Variants in CDH13 observed in about 807,000 individuals in gnomAD.
The protein encoded by CDH13 is cadherin 13.
Under a neutral mutation model 63.8 loss-of-function variants are expected in CDH13, and 24 were observed. That is an observed-to-expected ratio of 0.38 (90% CI 0.27 to 0.53). CDH13 has a LOEUF of 0.53. Ranked by LOEUF, CDH13 falls within the 20% of genes least tolerant of loss-of-function variation. The pLI, the probability that CDH13 is intolerant of heterozygous loss-of-function variation, is 0.85. For missense variants in CDH13, 1,049 were observed against 903.1 expected (o/e 1.16, Z -2.07); for synonymous variants, 503 against 355.3 (o/e 1.42, Z -4.67).
At chr16:82,904,564 C>G (rs1344146275) in intron 2 of CDH13, among the ~76,000 whole-genome samples, 2 of 152,168 alleles carry the variant, frequency 1.3e-5, no homozygotes, top group Non-Finnish European at 2.9e-5. Flanking sequence ...AACCTAATAC[C>G]TCCCAGCAAA....
chr16:82,696,730 T>C (rs772542376), intron 1 of CDH13, among the ~76,000 whole-genome samples: 2 of 152,242 alleles, frequency 1.3e-5, no homozygotes, highest in Non-Finnish European at 2.9e-5. Flanking sequence ...AATTATCTAT[T>C]GTTGCATTAG....
At chr16:83,373,771 C>G (rs12597491) in intron 6 of CDH13, among the ~76,000 whole-genome samples, 1 of 152,024 alleles carries the variant, frequency 6.6e-6, no homozygotes, top group Admixed American at 6.5e-5. Flanking sequence ...AATACTTCAC[C>G]TCCTTGAGAC....
chr16:82,930,175 G>T (rs2151293956), intron 2 of CDH13, among the ~76,000 whole-genome samples: 1 of 147,300 alleles, frequency 6.8e-6, no homozygotes, highest in African/African-American at 2.5e-5. Context: ...ATGGCATTTT[G>T]CCAGTTGGCT....
intron 5 of CDH13, among the ~76,000 whole-genome samples, chr16:83,271,458 G>A (rs1424514617): frequency 7.3e-5 from 2 of 27,278 alleles, no homozygotes; most frequent in African/African-American, 1.7e-4. Flanking sequence ...AAAAATTCAT[G>A]GTTGCTGTTA....
At chr16:83,440,357 A>T (rs2072445122) in intron 6 of CDH13, among the ~76,000 whole-genome samples, 1 of 152,112 alleles carries the variant, frequency 6.6e-6, no homozygotes, top group African/African-American at 2.4e-5. Flanking sequence ...GTTAGTGCAG[A>T]GTGGAGAGCT....
At chr16:83,475,176 ACTGT>A (rs1405750164) in intron 6 of CDH13, among the ~76,000 whole-genome samples, 1 of 152,242 alleles carries the variant, frequency 6.6e-6, no homozygotes, top group Non-Finnish European at 1.5e-5. Context: ...CAGCACAGGG[ACTGT>A]CTGAGCAAGG....
At chr16:82,931,680 A>C (rs930842356) in intron 2 of CDH13, among the ~76,000 whole-genome samples, 1 of 152,202 alleles carries the variant, frequency 6.6e-6, no homozygotes, top group Non-Finnish European at 1.5e-5. Context: ...TCATGGCAGA[A>C]GGCAAAGGCA....
At chr16:83,484,273 C>G (rs781713113) in intron 6 of CDH13, among the ~76,000 whole-genome samples, 27 of 152,200 alleles carry the variant, frequency 1.8e-4, no homozygotes, top group Non-Finnish European at 3.7e-4. Flanking sequence ...TGAATTCTAT[C>G]TTTCCTTTAG....
intron 4 of CDH13, among the ~76,000 whole-genome samples, chr16:83,175,368 G>A (rs1054740056): frequency 7.2e-5 from 11 of 152,194 alleles, no homozygotes; most frequent in Admixed American, 5.2e-4. Context: ...CAACCCCCAC[G>A]ATAGCCCACT....
intron 2 of CDH13, among the ~76,000 whole-genome samples, chr16:82,978,774 A>G (rs1909866632): frequency 6.6e-6 from 1 of 152,258 alleles, no homozygotes; most frequent in South Asian, 2.1e-4. Context: ...GCAGAAGGGA[A>G]ATATGGGGTT....
chr16:83,279,996 T>G (rs1258681548), intron 5 of CDH13, among the ~76,000 whole-genome samples: 2 of 152,224 alleles, frequency 1.3e-5, no homozygotes, highest in African/African-American at 4.8e-5. Context: ...CTGAATCTTT[T>G]TGCTGGTAAA....
intron 11 of CDH13, among the ~76,000 whole-genome samples, chr16:83,769,229 G>C (rs1303192870): frequency 1.3e-5 from 2 of 152,174 alleles, no homozygotes; most frequent in African/African-American, 4.8e-5. Context: ...TGGAATTCTG[G>C]GGAGGTGTGT....
intron 6 of CDH13, among the ~76,000 whole-genome samples, chr16:83,398,928 A>G (rs2091927160): frequency 6.6e-6 from 1 of 152,224 alleles, no homozygotes; most frequent in Non-Finnish European, 1.5e-5. Context: ...AAAATGTTGG[A>G]AGCAATTTGG....
intron 11 of CDH13, among the ~76,000 whole-genome samples, chr16:83,758,435 T>A (rs1913691082): frequency 6.6e-6 from 1 of 151,994 alleles, no homozygotes; most frequent in Non-Finnish European, 1.5e-5. Context: ...TTTAGCAAAC[T>A]AGGAAACTTT....
chr16:82,848,354 G>A (rs1359227582), intron 1 of CDH13, among the ~76,000 whole-genome samples: 3 of 152,072 alleles, frequency 2.0e-5, no homozygotes, highest in Non-Finnish European at 4.4e-5. Flanking sequence ...GCTTTAGTTG[G>A]GTATGACAAG....
Position 83,032,203 on chromosome 16 carries a change from C to T in CDH13, c.351C>T (p.Ile117=), listed in dbSNP as rs1467734158. 6.2e-7 allele frequency: 1 copy of T among 1,613,222 alleles called. No homozygotes were observed. Among genetic ancestry groups the T allele is most frequent in the East Asian group, 2.2e-5 (1 of 44,818 alleles). Reference sequence around the variant, plus strand: ...TCGTGATTGTCGGGGGGAAAGACATCCAGGGCTCCTTGCAGGTAACACATC... The same window carrying T: ...TCGTGATTGTCGGGGGGAAAGACATTCAGGGCTCCTTGCAGGTAACACATC... ...AELVIVGGKD[I]QGSLQDIFKF... The change falls in exon 3 of 14, where the codon ATC becomes ATT. Residue 117 remains isoleucine, a synonymous_variant. Coordinates refer to ENST00000567109, the MANE Select transcript of CDH13 (RefSeq NM_001257.5).
intron 5 of CDH13, among the ~76,000 whole-genome samples, chr16:83,262,297 G>T (rs1486152596): frequency 6.6e-6 from 1 of 152,194 alleles, no homozygotes; most frequent in African/African-American, 2.4e-5. Flanking sequence ...CCCATGGGGG[G>T]AGGACATTAA....
chr16:83,327,252 A>G (rs571780332), intron 5 of CDH13, among the ~76,000 whole-genome samples: 200 of 152,350 alleles, frequency 1.3e-3, no homozygotes, highest in African/African-American at 4.7e-3. Context: ...GAATAATCCC[A>G]TGTAAAATAT....
intron 3 of CDH13, among the ~76,000 whole-genome samples, chr16:83,113,471 A>G (rs1203659012): frequency 6.6e-6 from 1 of 152,262 alleles, no homozygotes; most frequent in Non-Finnish European, 1.5e-5. Context: ...CACCTGCTCT[A>G]TGCCTGTCTT....
Sources: gnomAD v4.1 joint callset for allele counts (sites outside exome capture counted in the v4.1 genomes callset) on GRCh38, gnomAD v4.1.1 for gene constraint, MANE v1.5 for transcripts, NCBI Gene and HGNC (gene_info 2026-07-23, HGNC 2026-07-21) for gene names.